The following ZNF875 variants were observed in gnomAD, a reference collection of about 807,000 sequenced individuals.
ZNF875 encodes the protein zinc finger protein 875.
Under a neutral mutation model 11.2 loss-of-function variants are expected in ZNF875, and 14 were observed. That is an observed-to-expected ratio of 1.26 (90% CI 0.83 to 1.96). ZNF875 has a LOEUF of 1.96. Among genes scored for constraint, ZNF875 ranks in the 30% most tolerant of loss-of-function variants. ZNF875 has a pLI of 0.00. For synonymous variants in ZNF875, 301 were observed against 281.1 expected (o/e 1.07, Z -0.71); for missense variants, 752 against 760.4 (o/e 0.99, Z 0.13).
At chr19:37,321,601 CTG>C (rs2031469547) in intron 1 of ZNF875, among the ~76,000 whole-genome samples, 1 of 152,186 alleles carries the variant, frequency 6.6e-6, no homozygotes, top group South Asian at 2.1e-4. Context: ...TACTTTGTCT[CTG>C]TGTCTCTTTC....
intron 1 of ZNF875, among the ~76,000 whole-genome samples, chr19:37,319,140 G>C (rs1462709210): frequency 6.6e-6 from 1 of 150,620 alleles, no homozygotes; most frequent in African/African-American, 2.4e-5. Context: ...TCCGCCTCAC[G>C]GGTTCAAGCT....
intron 1 of ZNF875, among the ~76,000 whole-genome samples, chr19:37,320,564 C>T (rs1352880698): frequency 2.0e-5 from 3 of 152,166 alleles, no homozygotes; most frequent in Non-Finnish European, 4.4e-5. Flanking sequence ...GATTCTCATG[C>T]TTATAGTCAG....
intron 4 of ZNF875, among the ~76,000 whole-genome samples, chr19:37,354,732 C>T (rs773845430): frequency 6.6e-6 from 1 of 152,130 alleles, no homozygotes; most frequent in Non-Finnish European, 1.5e-5. Flanking sequence ...TCTGCCCTCT[C>T]GAATGGCTTA....
rs185795908 is a variant in ZNF875 at position 37,323,798 on chromosome 19, A to G, written c.-661+228A>G. Among the ~76,000 whole-genome samples, 96 of 152,306 alleles carry G rather than the reference A, an allele frequency of 6.3e-4. No individual in the cohort carries two copies. The East Asian group carries it at 9.8e-3, about 16-fold the overall frequency. ...CTTCCCACTGTGTCCCCCAAAGGAC[A>G]TGAGGCCACAAACTGAAGTGCCCAT... On this transcript the variant is annotated intron_variant, in intron 3 of 5. Transcript: ENST00000544914.
chr19:37,347,087 G>A (rs1432496661), intron 2 of ZNF875, 103 bp from the exon 3 acceptor site: 1 of 1,527,534 alleles, frequency 6.5e-7, no homozygotes, highest in Non-Finnish European at 9.0e-7. Flanking sequence ...AAAGTGCTGG[G>A]ATTACAGGCA....
At chr19:37,351,356 T>C (rs1017824592) in intron 4 of ZNF875, among the ~76,000 whole-genome samples, 3 of 152,166 alleles carry the variant, frequency 2.0e-5, no homozygotes, top group Admixed American at 1.3e-4. Context: ...GTTTATTAAT[T>C]TTATGGATTT....
chr19:37,344,986 C>T, intron 2 of ZNF875: 1 of 518,222 alleles, frequency 1.9e-6, no homozygotes, highest in East Asian at 3.5e-5. Flanking sequence ...AAGCCTTGTA[C>T]ATTGAACACT....
chr19:37,344,850 A>T, intron 2 of ZNF875: 3 of 906,766 alleles, frequency 3.3e-6, no homozygotes, highest in Non-Finnish European at 5.6e-6. Context: ...CAAGGGGTGT[A>T]TGTGTGTATG....
At chr19:37,331,015 T>A (rs1273792732), upstream of ZNF875, among the ~76,000 whole-genome samples, 1 of 151,692 alleles carries the variant, frequency 6.6e-6, no homozygotes, top group African/African-American at 2.4e-5. Context: ...TGAAACCCGA[T>A]CTCTACTAAA....
intron 1 of ZNF875, among the ~76,000 whole-genome samples, chr19:37,318,597 C>T (rs1198955862): frequency 6.6e-6 from 1 of 151,374 alleles, no homozygotes; most frequent in African/African-American, 2.4e-5. Context: ...TCTCGAGTCA[C>T]TGCAAGCTCT....
At chr19:37,326,664 C>CTTTTTTTT (rs35805509) in intron 4 of ZNF875, among the ~76,000 whole-genome samples, 14 of 88,094 alleles carry the variant, frequency 1.6e-4, no homozygotes, top group Non-Finnish European at 1.9e-4. Context: ...AATTAGAAAG[C>CTTTTTTTT]TTTTTTTTTT....
intron 1 of ZNF875, among the ~76,000 whole-genome samples, chr19:37,320,019 C>T (rs1024828376): frequency 2.0e-5 from 3 of 152,176 alleles, no homozygotes; most frequent in African/African-American, 7.2e-5. Flanking sequence ...CTCCCAGTAG[C>T]TGGGACTACA....
intron 4 of ZNF875, among the ~76,000 whole-genome samples, chr19:37,354,245 TCTCCCCTCCCCTCCCCTCCCCTCCC>T (rs1185951446): frequency 2.7e-4 from 6 of 22,032 alleles, no homozygotes; most frequent in South Asian, 5.2e-3. Flanking sequence ...TCTCCCCTCC[TCTCCCCTCCCCTCCCCTCCCCTCCC>T]CTCCCCTCCC....
intron 4 of ZNF875, among the ~76,000 whole-genome samples, chr19:37,361,037 GA>G (rs1470961559): frequency 1.3e-5 from 2 of 150,288 alleles, no homozygotes; most frequent in African/African-American, 4.9e-5. Context: ...GTGAACAAGA[GA>G]TTTTTTTTAC....
intron 2 of ZNF875, among the ~76,000 whole-genome samples, chr19:37,340,138 G>A (rs1191961522): frequency 2.0e-5 from 3 of 151,858 alleles, no homozygotes; most frequent in African/African-American, 7.2e-5. Context: ...ATGTGCCACC[G>A]TGCCCAGTTC....
intron 4 of ZNF875, among the ~76,000 whole-genome samples, chr19:37,325,563 T>C (rs74516500): frequency 6.6e-6 from 1 of 151,966 alleles, no homozygotes; most frequent in Non-Finnish European, 1.5e-5. Flanking sequence ...TTTTTTTTTT[T>C]GAGACAGGGT....
chr19:37,322,591 A>G (rs1374479611), intron 2 of ZNF875, among the ~76,000 whole-genome samples: 1 of 152,184 alleles, frequency 6.6e-6, no homozygotes, highest in Non-Finnish European at 1.5e-5. Flanking sequence ...CCATCAGTGA[A>G]CTACTCTGTA....
intron 4 of ZNF875, among the ~76,000 whole-genome samples, chr19:37,327,835 A>G (rs1166304458): frequency 1.3e-5 from 2 of 151,964 alleles, no homozygotes; most frequent in Non-Finnish European, 2.9e-5. Context: ...TATGTGAGTG[A>G]TAGAATTATT....
chr19:37,330,870 A>G (rs2033262358), upstream of ZNF875, among the ~76,000 whole-genome samples: 1 of 152,174 alleles, frequency 6.6e-6, no homozygotes, highest in African/African-American at 2.4e-5. Flanking sequence ...GAGTTTTTCA[A>G]ATTAGAAGTT....
Sources: allele counts gnomAD v4.1 joint callset (sites outside exome capture counted in the v4.1 genomes callset), GRCh38; gene constraint gnomAD v4.1.1; transcripts MANE v1.5; gene names NCBI Gene and HGNC (gene_info 2026-07-23, HGNC 2026-07-21).